Variants in KCTD2 observed in about 807,000 individuals in gnomAD.
The protein encoded by KCTD2 is potassium channel tetramerization domain containing 2.
A neutral mutation model predicts 27.9 loss-of-function variants in KCTD2; 18 were observed. The observed-to-expected ratio is 0.64, with a 90% CI of 0.45 to 0.96. The LOEUF (loss-of-function observed/expected upper bound fraction) is 0.96. KCTD2 is among the 40% of genes least tolerant of loss of function. The pLI is 0.00. For synonymous variants in KCTD2, 175 were observed against 148.4 expected (o/e 1.18, Z -1.30); for missense variants, 280 against 348.0 (o/e 0.80, Z 1.56).
At chr17:75,051,275 AC>A (rs1328556936) in intron 2 of KCTD2, among the ~76,000 whole-genome samples, 1 of 104,252 alleles carries the variant, frequency 9.6e-6, no homozygotes, top group African/African-American at 3.7e-5. Flanking sequence ...ACCGCGCCCG[AC>A]CTTTTTTTTT....
chr17:75,039,467 A>C, intron 3 of KCTD2: 1 of 566,180 alleles, frequency 1.8e-6, no homozygotes, highest in Admixed American at 3.1e-5. Flanking sequence ...GCCCATATGG[A>C]AAACCAGCTT....
chr17:75,047,695 G>A, intron 1 of KCTD2, 106 bp downstream of exon 1: 1 of 1,174,478 alleles, frequency 8.5e-7, no homozygotes, highest in East Asian at 3.1e-5. Flanking sequence ...GCCCCCTCAG[G>A]CCGGGACCCC....
intron 3 of KCTD2, among the ~76,000 whole-genome samples, chr17:75,054,860 T>A (rs981420877): frequency 2.6e-5 from 4 of 151,844 alleles, no homozygotes; most frequent in Non-Finnish European, 4.4e-5. Context: ...AGACCCTCTC[T>A]TTCATGCGAT....
upstream of KCTD2, among the ~76,000 whole-genome samples, chr17:75,046,101 G>A (rs1243962893): frequency 6.6e-6 from 1 of 152,222 alleles, no homozygotes; most frequent in Non-Finnish European, 1.5e-5. Flanking sequence ...GTGTGTGAGT[G>A]AGACGGAGTC....
intron 3 of KCTD2, chr17:75,041,397 G>C (rs1237643034): frequency 7.0e-6 from 1 of 142,248 alleles, no homozygotes; most frequent in African/African-American, 2.7e-5. Context: ...GATTGCCTGA[G>C]CCCAGAGTTT....
intron 4 of KCTD2, chr17:75,060,729 C>T: frequency 1.3e-6 from 1 of 780,200 alleles, no homozygotes; most frequent in Non-Finnish European, 2.0e-6. Flanking sequence ...CTGGGATCAA[C>T]CGCCTGAGTA....
intron 1 of KCTD2, among the ~76,000 whole-genome samples, chr17:75,048,286 G>A (rs530899703): frequency 4.6e-5 from 7 of 152,258 alleles, no homozygotes; most frequent in Non-Finnish European, 7.4e-5. Flanking sequence ...GTTGAGAGGT[G>A]ACAAGACACT....
intron 1 of KCTD2, chr17:75,048,967 C>A: frequency 3.2e-6 from 1 of 316,502 alleles, no homozygotes; most frequent in Non-Finnish European, 5.8e-6. Flanking sequence ...AGTAAGTAAA[C>A]GCCTAAATGA....
At chr17:75,037,141 G>C (rs1485815714) in intron 3 of KCTD2, among the ~76,000 whole-genome samples, 1 of 152,100 alleles carries the variant, frequency 6.6e-6, no homozygotes, top group Non-Finnish European at 1.5e-5. Flanking sequence ...TCAGGAGATC[G>C]AGACCGTCCT....
At chr17:75,049,152 T>C in intron 1 of KCTD2, 68 bp from the exon 2 acceptor site, 3 of 945,612 alleles carry the variant, frequency 3.2e-6, no homozygotes, top group Non-Finnish European at 4.8e-6. Flanking sequence ...GATGGTGAAA[T>C]CCTGCCCTGC....
At chr17:75,039,517 C>T (rs1302961232) in intron 3 of KCTD2, 4 of 496,242 alleles carry the variant, frequency 8.1e-6, no homozygotes, top group South Asian at 2.5e-5. Context: ...GTTCCTCATC[C>T]GAAGACCTAC....
At position 75,048,934 on chromosome 17, in the gene KCTD2, G is replaced by A. The variant is rs1207064010; in HGVS notation, c.340-286G>A. 6.4e-5 allele frequency: 17 copies of A among 263,940 alleles called. No individual in the cohort carries two copies. In the East Asian group the frequency reaches 1.1e-3, roughly 18 times the overall value. The allele number at this position is 263,940 out of a possible 1,614,324, so 16.3% of individuals were successfully genotyped here. ...TGTTTGTCACTGTAATTATTGTCCA[G>A]GCAAAGATTGCAAATTCCAGCCAGT... On this transcript the variant is annotated intron_variant, in intron 1 of 5. Transcript: ENST00000322444.
In KCTD2 at chr17:75,039,825, A is replaced by G. The variant is rs1369625414; in HGVS notation, c.-259+4468A>G. On this transcript the variant is annotated intron_variant, in intron 3 of 7. Coordinates refer to the KCTD2 transcript ENST00000581589. ...TGAAACCAGCAGTCCCCTCTCAACC[A>G]TCCCCAGGCAGCCACTGTAGACAAA... is the stretch of plus-strand genomic sequence containing the variant. The G allele has an allele frequency of 1.3e-5, 6 of 466,776 alleles. 1 individual carries two copies. Among genetic ancestry groups the G allele is most frequent in the Non-Finnish European group, 2.3e-5 (6 of 261,634 alleles). 28.9% of individuals were successfully genotyped at this position (466,776 alleles called of 1,614,324 possible). A position where few individuals can be genotyped will look rare whatever the true frequency, so the allele number is the denominator to read the frequency against.
chr17:75,061,987 A>G (rs2073408177), intron 4 of KCTD2, 133 bp from the exon 5 acceptor site: 39 of 976,994 alleles, frequency 4.0e-5, no homozygotes, highest in Non-Finnish European at 6.0e-5. Flanking sequence ...TTTGGTAGTC[A>G]CAGAGAACTC....
rs2073440476 is a variant in KCTD2 at position 75,064,776 on chromosome 17, C to A, written c.*1729C>A. The A allele has an allele frequency of 6.6e-6, 1 of 151,880 alleles. No individual in the cohort carries two copies. Among genetic ancestry groups the A allele is most frequent in the Non-Finnish European group, 1.5e-5 (1 of 67,958 alleles). The allele number at this position is 151,880 out of a possible 1,614,324, so 9.4% of individuals were successfully genotyped here. ...CAGGCATCCATCCAGTCGTATCTTTCAGAGAAAAAAAAAGTTAGATGTAGC... is the reference window on the plus strand; with the variant it reads ...CAGGCATCCATCCAGTCGTATCTTTAAGAGAAAAAAAAAGTTAGATGTAGC... On this transcript the variant is annotated 3_prime_UTR_variant, in exon 6 of 6. Transcript: ENST00000322444.
At chr17:75,054,630 C>T (rs1219549025) in intron 3 of KCTD2, among the ~76,000 whole-genome samples, 1 of 151,830 alleles carries the variant, frequency 6.6e-6, no homozygotes, top group East Asian at 1.9e-4. Context: ...ACGGTGAAAC[C>T]CCGTCTCTAC....
intron 1 of KCTD2, chr17:75,033,971 C>T (rs1225284424): frequency 1.3e-5 from 2 of 152,260 alleles, no homozygotes; most frequent in Non-Finnish European, 2.9e-5. Flanking sequence ...CGAGTCCCAC[C>T]TGGGGTAGAG....
rs185394464 is a variant in KCTD2, at chr17:75,050,364, C to T, written c.448+1036C>T. Among the ~76,000 whole-genome samples, 906 of 152,176 alleles carry T rather than the reference C, an allele frequency of 6.0e-3. 10 individuals carry two copies. The highest frequency in any genetic ancestry group is 0.02 in the African/African-American group (839 of 41,512). On this transcript the variant is annotated intron_variant, in intron 2 of 5. Coordinates refer to ENST00000322444, the MANE Select transcript of KCTD2 (RefSeq NM_015353.3). ...GCAACCTCAGCCTCCTGGGTTCAAG[C>T]GATTCTCCTGCCTCAGCCTCCCAAG...
chr17:75,038,049 A>C (rs549348670), intron 3 of KCTD2, among the ~76,000 whole-genome samples: 10 of 152,198 alleles, frequency 6.6e-5, no homozygotes, highest in African/African-American at 2.4e-4. Flanking sequence ...ACTCCATCTT[A>C]AAAAATAATA....
Sources: gnomAD v4.1 joint callset for allele counts (sites outside exome capture counted in the v4.1 genomes callset) on GRCh38, gnomAD v4.1.1 for gene constraint, MANE v1.5 for transcripts, NCBI Gene and HGNC (gene_info 2026-07-23, HGNC 2026-07-21) for gene names.